Variants in ASB3 observed in about 807,000 individuals in gnomAD.
ASB3 encodes the protein ankyrin repeat and SOCS box protein 3.
Under a neutral mutation model 54.5 loss-of-function variants are expected in ASB3, and 41 were observed. The observed-to-expected ratio is 0.75, with a 90% confidence interval of 0.59 to 0.98. ASB3 has a LOEUF of 0.98. ASB3 is among the 50% of genes least tolerant of loss of function. The pLI, the probability that ASB3 is intolerant of heterozygous loss-of-function variation, is 0.00. For synonymous variants in ASB3, 266 were observed against 221.2 expected (o/e 1.20, Z -1.80); for missense variants, 733 against 620.0 (o/e 1.18, Z -1.94).
intron 7 of ASB3, among the ~76,000 whole-genome samples, chr2:53,702,259 C>T (rs1167349399): frequency 1.3e-5 from 2 of 152,180 alleles, no homozygotes; most frequent in East Asian, 3.9e-4. Context: ...ATAAAATAAA[C>T]ACAAAATAAA....
intron 5 of ASB3, among the ~76,000 whole-genome samples, chr2:53,723,836 A>G (rs1457011644): frequency 6.6e-6 from 1 of 152,166 alleles, no homozygotes; most frequent in Non-Finnish European, 1.5e-5. Flanking sequence ...AATGAGTTAG[A>G]GACTCCTTAT....
chr2:53,726,385 T>G (rs1670993943), intron 5 of ASB3, among the ~76,000 whole-genome samples: 1 of 149,084 alleles, frequency 6.7e-6, no homozygotes, highest in African/African-American at 2.5e-5. Context: ...CTCAGCCTCC[T>G]GAGTAGCTGG....
intron 5 of ASB3, among the ~76,000 whole-genome samples, chr2:53,718,994 T>C (rs557043124): frequency 6.6e-6 from 1 of 152,230 alleles, no homozygotes; most frequent in East Asian, 1.9e-4. Context: ...GATCTCGGCT[T>C]ACTGCAACCT....
intron 9 of ASB3, among the ~76,000 whole-genome samples, chr2:53,689,946 G>C (rs958237088): frequency 6.6e-6 from 1 of 152,052 alleles, no homozygotes; most frequent in Non-Finnish European, 1.5e-5. Context: ...TAAAAACTAA[G>C]CTGAAGCTAG....
chr2:53,768,561 T>G lies in ASB3; in HGVS notation c.-13-2976A>C, dbSNP rs1170807417. ...TGACACACAGGATTGCAGAATGAGT[T>G]TCCAAAATTTTCGCTGGTTATTAAG... On this transcript the variant is annotated intron_variant, in intron 1 of 9. Transcript: ENST00000263634. Among the ~76,000 whole-genome samples, 5 of 152,240 alleles carry G rather than the reference T, an allele frequency of 3.3e-5. No homozygotes were observed. The East Asian group carries it at 9.6e-4, about 29-fold the overall frequency.
At chr2:53,738,204 A>G (rs538116339) in intron 3 of ASB3, among the ~76,000 whole-genome samples, 1 of 152,302 alleles carries the variant, frequency 6.6e-6, no homozygotes, top group South Asian at 2.1e-4. Flanking sequence ...TTACCATCCT[A>G]TTGATAAGCA....
intron 1 of ASB3, among the ~76,000 whole-genome samples, chr2:53,778,016 G>T (rs999945328): frequency 4.6e-5 from 7 of 152,000 alleles, no homozygotes; most frequent in Non-Finnish European, 8.8e-5. Flanking sequence ...AGGTGTGGTG[G>T]CGGGCACCTG....
At chr2:53,677,487 G>T (rs539768413) in intron 9 of ASB3, among the ~76,000 whole-genome samples, 14 of 151,774 alleles carry the variant, frequency 9.2e-5, no homozygotes, top group South Asian at 2.1e-4. Context: ...CTATCTGCAG[G>T]TTTTTTTTAA....
intron 1 of ASB3, among the ~76,000 whole-genome samples, chr2:53,781,175 G>A (rs922887906): frequency 6.6e-6 from 1 of 151,934 alleles, no homozygotes; most frequent in Non-Finnish European, 1.5e-5. Flanking sequence ...TGGGAGGCTT[G>A]AGGGGGCAAA....
At chr2:53,730,209 C>T (rs75755847) in intron 3 of ASB3, among the ~76,000 whole-genome samples, 3,543 of 152,066 alleles carry the variant, frequency 0.023, 64 homozygotes, top group Non-Finnish European at 0.033. Flanking sequence ...AATTTAAGCA[C>T]GAAGTTAATG....
chr2:53,762,824 G>A (rs1673219698), intron 2 of ASB3, among the ~76,000 whole-genome samples: 2 of 151,858 alleles, frequency 1.3e-5, no homozygotes, highest in Admixed American at 1.3e-4. Context: ...ACAAAAATAT[G>A]TATGCATATT....
At chr2:53,765,329 AT>A (rs776137914) in intron 2 of ASB3, 47 bp downstream of exon 2, 1 of 1,609,500 alleles carries the variant, frequency 6.2e-7, no homozygotes, top group Admixed American at 1.7e-5. Flanking sequence ...TTTATGTTTT[AT>A]TAATCCAGCT....
At chr2:53,736,762 G>T (rs1253442198) in intron 3 of ASB3, among the ~76,000 whole-genome samples, 1 of 151,060 alleles carries the variant, frequency 6.6e-6, no homozygotes, top group Non-Finnish European at 1.5e-5. Context: ...AGCACTTTGG[G>T]AGACCAAGGT....
chr2:53,711,429 T>G (rs1670090405), intron 7 of ASB3, among the ~76,000 whole-genome samples: 1 of 152,224 alleles, frequency 6.6e-6, no homozygotes, highest in Non-Finnish European at 1.5e-5. Flanking sequence ...TGATATTAGC[T>G]GCTGGTGCCA....
At chr2:53,741,413 GAATATAAA>G (rs1345264921) in intron 3 of ASB3, among the ~76,000 whole-genome samples, 2 of 152,212 alleles carry the variant, frequency 1.3e-5, no homozygotes, top group Non-Finnish European at 2.9e-5. Flanking sequence ...GTTTTGAACA[GAATATAAA>G]CAACTATGTC....
At chr2:53,702,198 C>G (rs1320886386) in intron 7 of ASB3, among the ~76,000 whole-genome samples, 10 of 152,146 alleles carry the variant, frequency 6.6e-5, no homozygotes, top group Admixed American at 5.2e-4. Flanking sequence ...TAAAACTGCA[C>G]AGTGCTACAA....
chr2:53,783,016 A>T (rs1171865997), intron 1 of ASB3, among the ~76,000 whole-genome samples: 7 of 151,834 alleles, frequency 4.6e-5, no homozygotes. Context: ...GACCTTCCAG[A>T]CCTCAGGTGA....
intron 5 of ASB3, among the ~76,000 whole-genome samples, 192 bp downstream of exon 5, chr2:53,728,520 T>C (rs1671131997): frequency 6.6e-6 from 1 of 152,216 alleles, no homozygotes; most frequent in African/African-American, 2.4e-5. Context: ...TTAGTAGCTG[T>C]GCACTGCATT....
chr2:53,707,804 A>G (rs1572880650), intron 7 of ASB3, among the ~76,000 whole-genome samples: 1 of 152,044 alleles, frequency 6.6e-6, no homozygotes, highest in East Asian at 1.9e-4. Context: ...TCTACTAAAA[A>G]TACAAAAATT....
Sources: gnomAD v4.1 joint callset for allele counts (sites outside exome capture counted in the v4.1 genomes callset) on GRCh38, gnomAD v4.1.1 for gene constraint, MANE v1.5 for transcripts, NCBI Gene and HGNC (gene_info 2026-07-23, HGNC 2026-07-21) for gene names.